CNTN1: variants seen among roughly 807,000 people sequenced by gnomAD.
The protein encoded by CNTN1 is contactin-1.
In CNTN1, 38 loss-of-function variants were observed where a neutral mutation model predicts 126.4. The observed-to-expected ratio is 0.30, with a 90% CI of 0.23 to 0.39. The LOEUF (loss-of-function observed/expected upper bound fraction) is 0.39. Ranked by LOEUF, CNTN1 falls within the 10% of genes least tolerant of loss-of-function variation. The pLI, the probability that CNTN1 is intolerant of heterozygous loss-of-function variation, is 1.00. For missense variants in CNTN1, 1,009 were observed against 1,248.4 expected, an observed-to-expected ratio of 0.81 and a Z score of 2.89; for synonymous variants, 413 against 422.6, an observed-to-expected ratio of 0.98 and a Z score of 0.28.
At chr12:40,926,669 G>A (rs913488071) in intron 6 of CNTN1, among the ~76,000 whole-genome samples, 13 of 152,118 alleles carry the variant, frequency 8.5e-5, no homozygotes, top group Non-Finnish European at 1.8e-4. Flanking sequence ...TGGAGGTATT[G>A]CAATAGTTTA....
At chr12:40,902,489 T>C (rs972569180) in intron 1 of CNTN1, among the ~76,000 whole-genome samples, 4 of 152,208 alleles carry the variant, frequency 2.6e-5, no homozygotes, top group African/African-American at 9.7e-5. Context: ...TTAGGTTAAA[T>C]ATTTTTTTAA....
At chr12:40,972,675 CA>C in intron 15 of CNTN1, 1 of 963,312 alleles carries the variant, frequency 1.0e-6, no homozygotes, top group Non-Finnish European at 1.2e-6. Context: ...ATTACTGTTC[CA>C]AAAGGAGCTA....
At position 40,981,034 on chromosome 12, in the gene CNTN1, A is replaced by G. The variant is rs2120374880; in HGVS notation, c.1930A>G (p.Ile644Val). The G allele has an allele frequency of 2.5e-6, 4 of 1,613,310 alleles. No homozygotes were observed. Among genetic ancestry groups the G allele is most frequent in the Middle Eastern group, 1.8e-4 (1 of 5,600 alleles). Reference sequence around the variant, plus strand: ...TAAATACACTATCCAGACCAAGACTATTCTTTCAGATGACTGGAAAGATGC... The same window carrying G: ...TAAATACACTATCCAGACCAAGACTGTTCTTTCAGATGACTGGAAAGATGC... ...ISKYTIQTKT[I>V]LSDDWKDAKT... Residue 644 changes from isoleucine to valine, a missense_variant, in exon 16 of 24, where the codon ATT (isoleucine) becomes GTT (valine). Transcript: ENST00000551295.
intron 17 of CNTN1, among the ~76,000 whole-genome samples, chr12:41,012,737 G>A (rs913378927): frequency 2.4e-4 from 36 of 152,126 alleles, no homozygotes; most frequent in African/African-American, 6.8e-4. Flanking sequence ...GGCTGAAGGG[G>A]GTCCAGTATT....
intron 14 of CNTN1, among the ~76,000 whole-genome samples, chr12:40,945,249 T>C (rs1946392934): frequency 6.6e-6 from 1 of 152,084 alleles, no homozygotes; most frequent in Non-Finnish European, 1.5e-5. Context: ...TAATATATTT[T>C]CCTTATAGAT....
chr12:40,937,795 A>C, intron 11 of CNTN1, 108 bp downstream of exon 11: 1 of 772,136 alleles, frequency 1.3e-6, no homozygotes. Context: ...TTAGGTGTAC[A>C]ACATATGTTG....
chr12:40,985,710 G>A (rs1373417896), intron 16 of CNTN1, among the ~76,000 whole-genome samples: 1 of 152,000 alleles, frequency 6.6e-6, no homozygotes, highest in Admixed American at 6.6e-5. Context: ...TGTATTCTTA[G>A]GTTGATATTT....
At position 40,822,148 on chromosome 12, in the gene CNTN1, C is replaced by CTTTTTTTTTTTTTTTTTTTTTTTTTT. The variant is rs777953120; in HGVS notation, c.-76-86185_-76-86184insTTTTTTTTTTTTTTTTTTTTTTTTTT. ...TTTCCAGTCTAGACAAAATATAAAT[C>CTTTTTTTTTTTTTTTTTTTTTTTTTT]TTTTTTTTTTTTTTTTTTTTTTTTG... On this transcript the variant is annotated intron_variant, in intron 1 of 23. Transcript: ENST00000551295. Among the ~76,000 whole-genome samples the CTTTTTTTTTTTTTTTTTTTTTTTTTT allele has an allele frequency of 2.0e-3, 96 of 47,258 alleles. 14 individuals carry two copies. The highest frequency in any genetic ancestry group is 2.8e-3 in the Non-Finnish European group (66 of 23,474). The allele number at this position is 47,258 out of a possible 152,430, so 31.0% of individuals were successfully genotyped here.
intron 1 of CNTN1, among the ~76,000 whole-genome samples, chr12:40,725,939 G>A (rs1251484488): frequency 6.6e-6 from 1 of 151,424 alleles, no homozygotes; most frequent in East Asian, 1.9e-4. Flanking sequence ...AACAAGAGAA[G>A]CAATAATTTA....
intron 12 of CNTN1, among the ~76,000 whole-genome samples, chr12:40,941,119 G>A (rs1325873877): frequency 1.3e-5 from 2 of 152,150 alleles, no homozygotes; most frequent in Non-Finnish European, 2.9e-5. Flanking sequence ...AGAAGAGAAA[G>A]ATCTAGCTCC....
In CNTN1 at chr12:40,956,670, A is replaced by G. The variant is rs1946894915; in HGVS notation, c.1684-2444A>G. Among the ~76,000 whole-genome samples the G allele has an allele frequency of 2.0e-5, 3 of 152,082 alleles. No individual in the cohort carries two copies. The South Asian group carries it at 6.2e-4, about 31-fold the overall frequency. On this transcript the variant is annotated intron_variant, in intron 14 of 23. Coordinates refer to ENST00000551295, the MANE Select transcript of CNTN1 (RefSeq NM_001843.4). ...GAGCAGAGTGTGAGTGAGATGGCACACTAGGTGAGCTGGAGCATCAGAGAG... is the reference window on the plus strand; with the variant it reads ...GAGCAGAGTGTGAGTGAGATGGCACGCTAGGTGAGCTGGAGCATCAGAGAG...
chr12:40,745,973 T>A (rs1565678131), intron 1 of CNTN1, among the ~76,000 whole-genome samples: 1 of 152,160 alleles, frequency 6.6e-6, no homozygotes, highest in Non-Finnish European at 1.5e-5. Context: ...AATCAAAGTT[T>A]AGTTCTCACG....
intron 17 of CNTN1, among the ~76,000 whole-genome samples, chr12:41,009,210 G>A (rs914298674): frequency 3.9e-5 from 6 of 152,190 alleles, no homozygotes; most frequent in African/African-American, 1.4e-4. Flanking sequence ...AGGTGACTGG[G>A]CTTAAGCAAA....
chr12:40,773,658 C>CACAT (rs1555155552), intron 1 of CNTN1, among the ~76,000 whole-genome samples: 1 of 8,288 alleles, frequency 1.2e-4, no homozygotes, highest in African/African-American at 2.1e-4. Flanking sequence ...TATATATACA[C>CACAT]ATATATATAT....
intron 1 of CNTN1, among the ~76,000 whole-genome samples, chr12:40,828,738 A>G (rs1592132218): frequency 6.6e-6 from 1 of 152,316 alleles, no homozygotes; most frequent in East Asian, 1.9e-4. Flanking sequence ...CCAGAAGCAG[A>G]GGAAAGCACC....
intron 1 of CNTN1, among the ~76,000 whole-genome samples, chr12:40,725,494 T>TAAAA (rs1197332530): frequency 1.3e-5 from 2 of 149,644 alleles, no homozygotes; most frequent in South Asian, 2.1e-4. Context: ...GAGATGTACA[T>TAAAA]AAATCTTTTC....
intron 22 of CNTN1, 141 bp from the exon 23 acceptor site, chr12:41,028,922 T>C: frequency 1.2e-6 from 1 of 841,734 alleles, no homozygotes; most frequent in East Asian, 2.7e-5. Flanking sequence ...TCATCTAGTT[T>C]TAAATTTAGT....
intron 1 of CNTN1, among the ~76,000 whole-genome samples, chr12:40,844,069 A>ATTTTTTTTTTGTTTTTTTTTTTTTTTTT (rs1942398599): frequency 1.2e-5 from 1 of 84,684 alleles, no homozygotes. Flanking sequence ...TGGCACAATG[A>ATTTTTTTTTTGTTTTTTTTTTTTTTTTT]TTTTTTTTTT....
intron 15 of CNTN1, among the ~76,000 whole-genome samples, chr12:40,970,799 C>T (rs1947482042): frequency 1.3e-5 from 2 of 152,270 alleles, no homozygotes; most frequent in South Asian, 4.1e-4. Flanking sequence ...GCCTACCTAA[C>T]CTATGGTCTT....
Sources: allele counts gnomAD v4.1 joint callset (sites outside exome capture counted in the v4.1 genomes callset), GRCh38; gene constraint gnomAD v4.1.1; transcripts MANE v1.5; gene names NCBI Gene and HGNC (gene_info 2026-07-23, HGNC 2026-07-21).